RSRP1: variants seen among roughly 807,000 people sequenced by gnomAD.
RSRP1 encodes arginine and serine rich protein 1, also known as arginine/serine-rich protein 1.
RSRP1 carries 37 observed loss-of-function variants against 33.0 expected under a neutral mutation model. The observed-to-expected ratio is 1.12, with a 90% CI of 0.86 to 1.48. The LOEUF (loss-of-function observed/expected upper bound fraction) is 1.48. Among genes scored for constraint, RSRP1 ranks in the 40% most tolerant of loss-of-function variants. The probability of loss-of-function intolerance (pLI) is 0.00; values close to 1 mark genes in which losing one functional copy is unlikely to be tolerated. For synonymous variants in RSRP1, 167 were observed against 158.7 expected, an observed-to-expected ratio of 1.05 and a Z score of -0.40; for missense variants, 402 against 385.3, an observed-to-expected ratio of 1.04 and a Z score of -0.36.
chr1:25,318,967 G>C lies in RSRP1; in HGVS notation c.-67+19011C>G, dbSNP rs756858361. On this transcript the variant is annotated intron_variant, in intron 1 of 1. Transcript: ENST00000561867. ...AGAGTCTTTGTGAAGAAGCAGAGGC[G>C]GAGTAGCGTTAATTCCGTAAGTTAA... Among the ~76,000 whole-genome samples the C allele has an allele frequency of 2.3e-5, 3 of 133,060 alleles. 1 individual carries two copies. Among genetic ancestry groups the C allele is most frequent in the Non-Finnish European group, 5.4e-5 (3 of 56,044 alleles). 87.3% of individuals were successfully genotyped at this position (133,060 alleles called of 152,430 possible).
chr1:25,299,855 A>G lies in RSRP1; in HGVS notation c.-67+38123T>C, dbSNP rs1388338535. Among the ~76,000 whole-genome samples the G allele has an allele frequency of 2.3e-5, 3 of 130,876 alleles. 1 individual carries two copies. In the East Asian group the frequency reaches 5.9e-4, roughly 26 times the overall value. 85.9% of individuals were successfully genotyped at this position (130,876 alleles called of 152,430 possible). On this transcript the variant is annotated intron_variant, in intron 1 of 1. Coordinates refer to the RSRP1 transcript ENST00000561867. ...GCCTCCGCCTCCCAGGTTCCAGTGA[A>G]TCTCCTGCATCAGCCTCCCAGGTAG...
At position 25,276,290 on chromosome 1, in the gene RSRP1, C is replaced by G. The variant is rs1279663682; in HGVS notation, c.-66-29261G>C. Among the ~76,000 whole-genome samples the G allele has an allele frequency of 4.4e-4, 56 of 128,422 alleles. 10 individuals are homozygous for G. The highest frequency in any genetic ancestry group is 1.0e-3 in the African/African-American group (38 of 37,442). The allele number at this position is 128,422 out of a possible 152,430, so 84.2% of individuals were successfully genotyped here. Reference sequence around the variant, plus strand: ...TTTATGCCAGAAAAAAGAAAAAGTACAGAAGGATTATAGAAACAAGATTGG... The same window carrying G: ...TTTATGCCAGAAAAAAGAAAAAGTAGAGAAGGATTATAGAAACAAGATTGG... On this transcript the variant is annotated intron_variant, in intron 1 of 1. Coordinates refer to the RSRP1 transcript ENST00000561867.
At chr1:25,285,132 C>CTTTTTTTT in intron 1 of RSRP1, among the ~76,000 whole-genome samples, 1 of 129,514 alleles carries the variant, frequency 7.7e-6, no homozygotes, top group African/African-American at 2.8e-5. Flanking sequence ...GAGAGACATT[C>CTTTTTTTT]TATTTTTTTT....
At chr1:25,250,974 A>G (rs1639759763), upstream of RSRP1, among the ~76,000 whole-genome samples, 1 of 152,186 alleles carries the variant, frequency 6.6e-6, no homozygotes, top group African/African-American at 2.4e-5. Flanking sequence ...ACACCACTGC[A>G]CTTCAGCCTG....
rs375046056 is a variant in RSRP1, at chr1:25,259,650, A to G, written c.-66-12621T>C. Among the ~76,000 whole-genome samples the G allele has an allele frequency of 4.4e-4, 67 of 151,822 alleles. No homozygotes were observed. The East Asian group carries it at 9.1e-3, about 21-fold the overall frequency. ...CCCGAGTAGCTGGGATTACAAGTGC[A>G]CACTACCACGCCCAGCTAATTTTTG... On this transcript the variant is annotated intron_variant, in intron 1 of 1. Transcript: ENST00000561867.
intron 1 of RSRP1, among the ~76,000 whole-genome samples, chr1:25,275,497 G>A (rs1640884441): frequency 7.6e-6 from 1 of 131,176 alleles, no homozygotes; most frequent in Admixed American, 7.5e-5. Flanking sequence ...CAGCGTGGAG[G>A]CTGTAGTGTA....
intron 1 of RSRP1, chr1:25,337,299 G>A (rs1645099166): frequency 6.6e-6 from 1 of 152,100 alleles, no homozygotes. Flanking sequence ...ACCGCACGTT[G>A]CGCCTGTGCT....
Position 25,289,232 on chromosome 1 carries a change from T to C in RSRP1, c.-66-42203A>G, listed in dbSNP as rs1322655078. ...GTGTGTGTGAGGCAGTCTTACTCTG[T>C]TGCCCAGGCTGGAGTGCAGTGGTGC... On this transcript the variant is annotated intron_variant, in intron 1 of 1. Transcript: ENST00000561867. 3.8e-5 allele frequency among the ~76,000 whole-genome samples: 5 copies of C among 132,786 alleles called. 1 individual carries two copies. The highest frequency in any genetic ancestry group is 1.3e-4 in the African/African-American group (5 of 38,866). 87.1% of individuals were successfully genotyped at this position (132,786 alleles called of 152,430 possible).
At position 25,307,973 on chromosome 1, in the gene RSRP1, G is replaced by C. The variant is rs868608413; in HGVS notation, c.-67+30005C>G. Among the ~76,000 whole-genome samples the C allele has an allele frequency of 2.7e-4, 35 of 127,440 alleles. 11 individuals carry two copies. Among genetic ancestry groups the C allele is most frequent in the South Asian group, 7.2e-4 (3 of 4,150 alleles). The allele number at this position is 127,440 out of a possible 152,430, so 83.6% of individuals were successfully genotyped here. On this transcript the variant is annotated intron_variant, in intron 1 of 1. Coordinates refer to the RSRP1 transcript ENST00000561867. ...TGGGCCTGAGAGTTCCCCTCTGAAA[G>C]ATGAGGACTTGACCTAGCAAGGTCC...
At chr1:25,305,897 C>T (rs1571689415) in intron 1 of RSRP1, among the ~76,000 whole-genome samples, 1 of 131,416 alleles carries the variant, frequency 7.6e-6, no homozygotes, top group East Asian at 2.0e-4. Context: ...CCACCGTGCC[C>T]AACCTGGATT....
chr1:25,256,420 C>A (rs754843421), intron 1 of RSRP1, among the ~76,000 whole-genome samples: 5 of 152,220 alleles, frequency 3.3e-5, no homozygotes, highest in African/African-American at 4.8e-5. Context: ...TAAAGCACTG[C>A]GATTACAGGC....
In RSRP1 at chr1:25,306,294, C is replaced by T. The variant is rs1231852788; in HGVS notation, c.-67+31684G>A. On this transcript the variant is annotated intron_variant, in intron 1 of 1. Coordinates refer to the RSRP1 transcript ENST00000561867. ...AGGAATTATCAGCTGAAATTGTGAA[C>T]AGTGTCTACACTAGACCCTTGCTAC... is the stretch of plus-strand genomic sequence containing the variant. Among the ~76,000 whole-genome samples the T allele has an allele frequency of 6.2e-4, 82 of 131,890 alleles. 13 individuals are homozygous for T. The highest frequency in any genetic ancestry group is 1.9e-3 in the Admixed American group (26 of 13,678). The allele number at this position is 131,890 out of a possible 152,430, so 86.5% of individuals were successfully genotyped here. A position where few individuals can be genotyped will look rare whatever the true frequency, so the allele number is the denominator to read the frequency against.
In RSRP1 at chr1:25,287,177, A is replaced by G. The variant is rs1475390276; in HGVS notation, c.-66-40148T>C. Among the ~76,000 whole-genome samples the G allele has an allele frequency of 1.0e-4, 14 of 133,908 alleles. 3 individuals carry two copies. The highest frequency in any genetic ancestry group is 7.9e-4 in the Admixed American group (11 of 13,914). The allele number at this position is 133,908 out of a possible 152,430, so 87.8% of individuals were successfully genotyped here. A position where few individuals can be genotyped will look rare whatever the true frequency, so the allele number is the denominator to read the frequency against. ...CACGCACACATGCACGCATACACAC[A>G]CTGTGTCCACCTGGGAAGTGACAAA... On this transcript the variant is annotated intron_variant, in intron 1 of 1. Transcript: ENST00000561867.
chr1:25,337,830 C>A (rs1645110330), intron 1 of RSRP1: 1 of 151,298 alleles, frequency 6.6e-6, no homozygotes, highest in African/African-American at 2.4e-5. Flanking sequence ...ACACCCCAGC[C>A]ACGCCAAGCC....
Position 25,242,494 on chromosome 1 carries a change from C to T in RSRP1, c.*95G>A, listed in dbSNP as rs1292885102. The T allele has an allele frequency of 6.9e-6, 5 of 719,752 alleles. No individual in the cohort carries two copies. Among genetic ancestry groups the T allele is most frequent in the Non-Finnish European group, 1.2e-5 (5 of 416,968 alleles). 44.6% of individuals were successfully genotyped at this position (719,752 alleles called of 1,614,324 possible). ...GTGTTGGTTTTTAAATGCACAAGTA[C>T]CCCTGAATGGCTCAAAGGGATGGGA... On this transcript the variant is annotated 3_prime_UTR_variant, in exon 5 of 5. Coordinates refer to ENST00000243189, the MANE Select transcript of RSRP1 (RefSeq NM_020317.5).
chr1:25,303,369 C>G, intron 1 of RSRP1: 1 of 1,375,852 alleles, frequency 7.3e-7, no homozygotes, highest in Middle Eastern at 1.8e-4. Context: ...CTGTGGGTAC[C>G]TCGTGTCACC....
rs1454286410 is a variant in RSRP1 at position 25,281,806 on chromosome 1, C to T, written c.-66-34777G>A. ...CAGGTCCCATGGAGGTCCTTGGGGG[C>T]CTCCTATATCCTGGTGGTGTCAGGT... is the stretch of plus-strand genomic sequence containing the variant. On this transcript the variant is annotated intron_variant, in intron 1 of 1. Transcript: ENST00000561867. Among the ~76,000 whole-genome samples the T allele has an allele frequency of 4.0e-4, 53 of 132,578 alleles. 17 individuals are homozygous for T. The highest frequency in any genetic ancestry group is 1.6e-3 in the East Asian group (8 of 5,128). The allele number at this position is 132,578 out of a possible 152,430, so 87.0% of individuals were successfully genotyped here. A position where few individuals can be genotyped will look rare whatever the true frequency, so the allele number is the denominator to read the frequency against.
rs540566388 is a variant in RSRP1, at chr1:25,311,993, T to G, written c.-67+25985A>C. Among the ~76,000 whole-genome samples the G allele has an allele frequency of 2.5e-5, 3 of 121,594 alleles. No homozygotes were observed. The South Asian group carries it at 7.7e-4, about 31-fold the overall frequency. The allele number at this position is 121,594 out of a possible 152,430, so 79.8% of individuals were successfully genotyped here. On this transcript the variant is annotated intron_variant, in intron 1 of 1. Coordinates refer to the RSRP1 transcript ENST00000561867. ...GGCCACCGCCAAGACCCCAGAATGG[T>G]AGAGCTATCATAGTGCAATGCCAGC...
intron 1 of RSRP1, among the ~76,000 whole-genome samples, chr1:25,331,276 CTTA>C (rs1276667707): frequency 1.5e-5 from 2 of 131,332 alleles, no homozygotes; most frequent in East Asian, 4.0e-4. Context: ...TCTTCCTCTT[CTTA>C]TAAGGACACC....
Sources: allele counts gnomAD v4.1 joint callset (sites outside exome capture counted in the v4.1 genomes callset), GRCh38; gene constraint gnomAD v4.1.1; transcripts MANE v1.5; gene names NCBI Gene and HGNC (gene_info 2026-07-23, HGNC 2026-07-21).